Variants in GTF3A observed in about 807,000 individuals in gnomAD.
The protein encoded by GTF3A is general transcription factor IIIA.
Under a neutral mutation model 37.6 loss-of-function variants are expected in GTF3A, and 40 were observed. The observed-to-expected ratio is 1.06, with a 90% CI of 0.83 to 1.38. The LOEUF is 1.38. Ranked by LOEUF, GTF3A falls within the 40% of genes most tolerant of loss-of-function variation. GTF3A has a pLI of 0.00. For synonymous variants in GTF3A, 191 were observed against 166.7 expected (o/e 1.15, Z -1.12); for missense variants, 500 against 462.6 (o/e 1.08, Z -0.74).
intron 3 of GTF3A, 141 bp from the exon 4 acceptor site, chr13:27,430,392 G>C: frequency 1.7e-6 from 1 of 577,822 alleles, no homozygotes; most frequent in Non-Finnish European, 3.0e-6. Context: ...TTGAGATAAA[G>C]CAGAATTTTA....
intron 5 of GTF3A, among the ~76,000 whole-genome samples, chr13:27,433,775 A>G (rs987923002): frequency 2.6e-5 from 4 of 152,102 alleles, no homozygotes; most frequent in African/African-American, 9.7e-5. Flanking sequence ...ATAGGAGGTT[A>G]AAGCAGTTGG....
chr13:27,431,860 A>T (rs976645354), intron 4 of GTF3A, among the ~76,000 whole-genome samples: 3 of 152,228 alleles, frequency 2.0e-5, no homozygotes, highest in African/African-American at 7.2e-5. Context: ...ATGCACATTT[A>T]TATATTGGGA....
At position 27,432,679 on chromosome 13, in the gene GTF3A, G is replaced by A. The variant is rs945333985; in HGVS notation, c.489-52G>A. On this transcript the variant is annotated intron_variant, in intron 4 of 8. Transcript: ENST00000381140. ...GGACAAAGTGCCATTGACCTTGAGCGGAGTTCTCTGTGAAAATGGATTGGC... is the reference window on the plus strand; with the variant it reads ...GGACAAAGTGCCATTGACCTTGAGCAGAGTTCTCTGTGAAAATGGATTGGC... The A allele has an allele frequency of 7.0e-6, 10 of 1,436,882 alleles. No individual in the cohort carries two copies. In the East Asian group the frequency reaches 7.3e-5, roughly 10 times the overall value. The allele number at this position is 1,436,882 out of a possible 1,614,324, so 89.0% of individuals were successfully genotyped here.
intron 4 of GTF3A, among the ~76,000 whole-genome samples, chr13:27,431,762 C>G (rs961575426): frequency 4.6e-5 from 7 of 152,102 alleles, no homozygotes; most frequent in African/African-American, 1.7e-4. Context: ...CACTTGCAAC[C>G]CCAAAAGCCA....
intron 2 of GTF3A, among the ~76,000 whole-genome samples, chr13:27,428,498 G>A (rs1426831084): frequency 2.0e-5 from 3 of 152,202 alleles, no homozygotes; most frequent in African/African-American, 2.4e-5. Flanking sequence ...AATGACCTGC[G>A]TGATTTAGCC....
intron 2 of GTF3A, among the ~76,000 whole-genome samples, chr13:27,428,104 T>A (rs1463934541): frequency 2.0e-5 from 3 of 152,184 alleles, no homozygotes; most frequent in Admixed American, 2.0e-4. Context: ...TCCATCTCTA[T>A]TAAAGAAATA....
chr13:27,434,511 T>G lies in GTF3A; in HGVS notation c.643+292T>G, dbSNP rs1953690449. 4 of 538,038 alleles carry G rather than the reference T, an allele frequency of 7.4e-6. No individual in the cohort carries two copies. The South Asian group carries it at 1.0e-4, about 14-fold the overall frequency. The allele number at this position is 538,038 out of a possible 1,614,324, so 33.3% of individuals were successfully genotyped here. On this transcript the variant is annotated intron_variant, in intron 6 of 8. Coordinates refer to ENST00000381140, the MANE Select transcript of GTF3A (RefSeq NM_002097.3). ...GCCTGGGAAACAGTACCCTGCATAC[T>G]GGGGGACAAGGAAGGACACTGGTCT...
In GTF3A at chr13:27,434,183, A is replaced by G. The variant is rs1433567402; in HGVS notation, c.607A>G (p.Thr203Ala). 7.0e-7 allele frequency: 1 copy of G among 1,419,072 alleles called. No homozygotes were observed. Among genetic ancestry groups the G allele is most frequent in the South Asian group, 1.1e-5 (1 of 87,300 alleles). 87.9% of individuals were successfully genotyped at this position (1,419,072 alleles called of 1,614,324 possible). Residue 203 changes from threonine (T) to alanine (A), a missense_variant, in exon 6 of 9, where the codon ACG (threonine) becomes GCG (alanine). By Grantham distance (58) the Thr-to-Ala change is moderately conservative. Transcript: ENST00000381140. Reference sequence around the variant, plus strand: ...ATGTTCCTTTGTGGCAAAAACATGGACGGAACTTCTGAAACATGTGAGAGA... The same window carrying G: ...ATGTTCCTTTGTGGCAAAAACATGGGCGGAACTTCTGAAACATGTGAGAGA...
At chr13:27,428,866 C>A (rs1280509119) in intron 2 of GTF3A, among the ~76,000 whole-genome samples, 1 of 152,132 alleles carries the variant, frequency 6.6e-6, no homozygotes, top group Non-Finnish European at 1.5e-5. Context: ...CCTGTTTGGG[C>A]CCATCTGTCA....
At chr13:27,427,356 T>A (rs1366406696) in intron 2 of GTF3A, among the ~76,000 whole-genome samples, 164 bp downstream of exon 2, 1 of 152,048 alleles carries the variant, frequency 6.6e-6, no homozygotes, top group African/African-American at 2.4e-5. Flanking sequence ...GATGGGCAGA[T>A]CACTTGAACC....
intron 5 of GTF3A, among the ~76,000 whole-genome samples, chr13:27,433,090 T>G (rs1953672333): frequency 6.6e-6 from 1 of 152,184 alleles, no homozygotes; most frequent in African/African-American, 2.4e-5. Context: ...TTGATGCTTC[T>G]GTCATTTTTA....
In GTF3A at chr13:27,429,890, A is replaced by C. The variant is rs75539480; in HGVS notation, c.323A>C (p.Asp108Ala). The C allele has an allele frequency of 2.6e-6, 4 of 1,534,048 alleles. No individual in the cohort carries two copies. The highest frequency in any genetic ancestry group is 3.5e-6 in the Non-Finnish European group (4 of 1,141,044). The change falls in exon 3 of 9, where the codon GAT becomes GCT. Residue 108 changes from aspartate to alanine, a missense_variant. Coordinates refer to ENST00000381140, the MANE Select transcript of GTF3A (RefSeq NM_002097.3). The stretch of plus-strand genomic sequence containing the variant: ...TACAGTTGTGCAGCCAATGGCTGTG[A>C]TCAAAAATTCAACACAAAATCAAAC...
rs771097894 is a variant in GTF3A at position 27,434,793 on chromosome 13, C to T, written c.644-12C>T. ...GGGGAAATTTGTGAAATTTGTCTGTCTGTCCCACCAGAGGAAATACTATGT... is the reference window on the plus strand; with the variant it reads ...GGGGAAATTTGTGAAATTTGTCTGTTTGTCCCACCAGAGGAAATACTATGT... On this transcript the variant is annotated splice_polypyrimidine_tract_variant and intron_variant, in intron 6 of 8. Coordinates refer to ENST00000381140, the MANE Select transcript of GTF3A (RefSeq NM_002097.3). 16 of 1,524,598 alleles carry T rather than the reference C, an allele frequency of 1.0e-5. No homozygotes were observed. In the East Asian group the frequency reaches 2.9e-4, roughly 28 times the overall value. The allele number at this position is 1,524,598 out of a possible 1,614,324, so 94.4% of individuals were successfully genotyped here.
Position 27,435,428 on chromosome 13 carries a change from C to A in GTF3A, c.934-5C>A, listed in dbSNP as rs1196610874. 1 of 1,610,430 alleles carries A rather than the reference C, an allele frequency of 6.2e-7. No individual in the cohort carries two copies. The highest frequency in any genetic ancestry group is 1.7e-5 in the Admixed American group (1 of 59,382). On this transcript the variant is annotated splice_region_variant and splice_polypyrimidine_tract_variant and intron_variant, in intron 8 of 8. Transcript: ENST00000381140. ...TCTAATCGTGTGTCTTCCTTATTCC[C>A]AAAGGTCAAAAAATCTCGTGAAAAA...
At chr13:27,432,251 C>A (rs914821273) in intron 4 of GTF3A, among the ~76,000 whole-genome samples, 1 of 152,178 alleles carries the variant, frequency 6.6e-6, no homozygotes, top group African/African-American at 2.4e-5. Context: ...TGTGGGTCTG[C>A]TGCTGCTGCT....
intron 4 of GTF3A, among the ~76,000 whole-genome samples, chr13:27,431,875 T>C (rs1285504331): frequency 6.6e-6 from 1 of 152,212 alleles, no homozygotes; most frequent in Non-Finnish European, 1.5e-5. Flanking sequence ...TTGGGAGCAT[T>C]TTAAAGGTTT....
rs148814183 is a variant in GTF3A, at chr13:27,433,668, G to A, written c.563-471G>A. On this transcript the variant is annotated intron_variant, in intron 5 of 8. Coordinates refer to ENST00000381140, the MANE Select transcript of GTF3A (RefSeq NM_002097.3). The stretch of plus-strand genomic sequence containing the variant: ...ATGGTAACACTACTGAAAAGTTGGT[G>A]GTGTGCCATGGACAAGGGACCGACT... Among the ~76,000 whole-genome samples, 221 of 152,092 alleles carry A rather than the reference G, an allele frequency of 1.5e-3. 1 individual carries two copies. Among genetic ancestry groups the A allele is most frequent in the African/African-American group, 5.0e-3 (209 of 41,490 alleles).
At chr13:27,432,675 G>C (rs1430306774) in intron 4 of GTF3A, 56 bp from the exon 5 acceptor site, 2 of 1,414,298 alleles carry the variant, frequency 1.4e-6, no homozygotes, top group East Asian at 4.9e-5. Flanking sequence ...CATTGACCTT[G>C]AGCGGAGTTC....
chr13:27,430,453 TTTATC>T, intron 3 of GTF3A, 75 bp from the exon 4 acceptor site: 1 of 844,198 alleles, frequency 1.2e-6, no homozygotes, highest in Non-Finnish European at 1.9e-6. Flanking sequence ...CCAAAATTGT[TTTATC>T]TTGAGGATTC....
Sources: allele counts gnomAD v4.1 joint callset (sites outside exome capture counted in the v4.1 genomes callset), GRCh38; gene constraint gnomAD v4.1.1; transcripts MANE v1.5; gene names NCBI Gene and HGNC (gene_info 2026-07-23, HGNC 2026-07-21).